Variants in LRRTM4 observed in about 807,000 individuals in gnomAD.
LRRTM4 encodes the protein leucine-rich repeat transmembrane neuronal protein 4.
Under a neutral mutation model 47.6 loss-of-function variants are expected in LRRTM4, and 25 were observed. That is an observed-to-expected ratio of 0.53 (90% CI 0.38 to 0.73). The LOEUF (loss-of-function observed/expected upper bound fraction) is 0.73. LRRTM4 is among the 30% of genes least tolerant of loss of function. The probability of loss-of-function intolerance (pLI) is 0.00; values close to 1 mark genes in which losing one functional copy is unlikely to be tolerated. For synonymous variants in LRRTM4, 311 were observed against 269.5 expected (o/e 1.15, Z -1.51); for missense variants, 638 against 713.4 (o/e 0.89, Z 1.20).
chr2:77,291,432 C>T (rs543664155), intron 3 of LRRTM4, among the ~76,000 whole-genome samples: 83 of 152,094 alleles, frequency 5.5e-4, no homozygotes, highest in African/African-American at 1.9e-3. Context: ...AATTCAAAAG[C>T]ACATTTCAAA....
At position 77,207,349 on chromosome 2, in the gene LRRTM4, GTATA is replaced by G. The variant is rs1553409290; in HGVS notation, c.1551+310965_1551+310968del. Reference sequence around the variant, plus strand: ...ATGTTTTTCCTAATTTCATATATGTGTATATATATATATATATATATATACACAC... The same window carrying G: ...ATGTTTTTCCTAATTTCATATATGTGTATATATATATATATATATACACAC... On this transcript the variant is annotated intron_variant, in intron 3 of 3. Coordinates refer to ENST00000409884, the MANE Select transcript of LRRTM4 (RefSeq NM_001134745.3). Among the ~76,000 whole-genome samples, 146 of 120,816 alleles carry G rather than the reference GTATA, an allele frequency of 1.2e-3. 1 individual carries two copies. The highest frequency in any genetic ancestry group is 1.3e-3 in the Non-Finnish European group (79 of 62,204). 79.3% of individuals were successfully genotyped at this position (120,816 alleles called of 152,430 possible).
At chr2:77,297,780 G>A (rs948556488) in intron 3 of LRRTM4, among the ~76,000 whole-genome samples, 1 of 152,088 alleles carries the variant, frequency 6.6e-6, no homozygotes. Flanking sequence ...AATGAGAGAA[G>A]TTTTCCACTT....
chr2:76,972,412 C>CTTTTTTTTTT (rs397869502), intron 3 of LRRTM4, among the ~76,000 whole-genome samples: 1 of 95,258 alleles, frequency 1.0e-5, no homozygotes, highest in African/African-American at 4.4e-5. Flanking sequence ...TCATTGAACA[C>CTTTTTTTTTT]TTTTTTTTTT....
chr2:76,921,901 T>C (rs1471120403), intron 3 of LRRTM4, among the ~76,000 whole-genome samples: 1 of 152,100 alleles, frequency 6.6e-6, no homozygotes, highest in Admixed American at 6.6e-5. Context: ...GGGTTCTGTG[T>C]GTATATCCAA....
At chr2:76,771,059 C>T (rs1410550025) in intron 3 of LRRTM4, among the ~76,000 whole-genome samples, 1 of 152,248 alleles carries the variant, frequency 6.6e-6, no homozygotes, top group South Asian at 2.1e-4. Context: ...TGATGTTATT[C>T]CTAGCTCCTT....
chr2:77,297,220 G>A (rs921486511), intron 3 of LRRTM4, among the ~76,000 whole-genome samples: 2 of 152,098 alleles, frequency 1.3e-5, no homozygotes, highest in Admixed American at 6.5e-5. Flanking sequence ...CAAGGGGGCC[G>A]TAGGAGGCCC....
chr2:77,477,356 G>T (rs1260259744), intron 3 of LRRTM4, among the ~76,000 whole-genome samples: 1 of 152,060 alleles, frequency 6.6e-6, no homozygotes. Flanking sequence ...CTGGCTAAAG[G>T]AAATTCTGAG....
At position 77,447,737 on chromosome 2, in the gene LRRTM4, C is replaced by T. The variant is rs116319374; in HGVS notation, c.1551+70581G>A. Among the ~76,000 whole-genome samples the T allele has an allele frequency of 9.1e-4, 139 of 152,122 alleles. 1 individual carries two copies. Among genetic ancestry groups the T allele is most frequent in the African/African-American group, 3.2e-3 (132 of 41,512 alleles). On this transcript the variant is annotated intron_variant, in intron 3 of 3. Transcript: ENST00000409884. ...GAGTATCAGACCCCTAACTCTGTTT[C>T]CCCCAAGCCCTGTGAATTGTATTGC...
intron 3 of LRRTM4, among the ~76,000 whole-genome samples, chr2:77,412,384 T>C (rs980880891): frequency 5.3e-5 from 8 of 152,222 alleles, no homozygotes; most frequent in Non-Finnish European, 8.8e-5. Flanking sequence ...ATCTCTAGCA[T>C]ACCACAATTG....
intron 3 of LRRTM4, among the ~76,000 whole-genome samples, chr2:76,772,617 A>G (rs1673760291): frequency 1.3e-5 from 2 of 152,178 alleles, no homozygotes; most frequent in South Asian, 4.1e-4. Context: ...TTAAAGGGGC[A>G]TTAACTTAGA....
chr2:76,846,501 G>C (rs1187269083), intron 3 of LRRTM4, among the ~76,000 whole-genome samples: 2 of 152,062 alleles, frequency 1.3e-5, no homozygotes, highest in Non-Finnish European at 2.9e-5. Context: ...ACATCTGTTA[G>C]AATCTTTCAA....
At chr2:76,997,703 C>T (rs879439744) in intron 3 of LRRTM4, among the ~76,000 whole-genome samples, 5 of 152,030 alleles carry the variant, frequency 3.3e-5, no homozygotes, top group East Asian at 1.9e-4. Flanking sequence ...TCCCCAACTC[C>T]CAGGTCACAG....
intron 3 of LRRTM4, among the ~76,000 whole-genome samples, chr2:76,807,782 G>C (rs1451194618): frequency 1.3e-5 from 2 of 151,560 alleles, no homozygotes; most frequent in Admixed American, 6.6e-5. Context: ...AGTAGAGACA[G>C]GATTTCACCA....
At chr2:76,972,898 T>G (rs1372535040) in intron 3 of LRRTM4, among the ~76,000 whole-genome samples, 1 of 151,636 alleles carries the variant, frequency 6.6e-6, no homozygotes, top group Non-Finnish European at 1.5e-5. Flanking sequence ...ATAAGTATAA[T>G]ACAAAAAAGG....
intron 3 of LRRTM4, among the ~76,000 whole-genome samples, chr2:77,230,199 C>CT (rs1213299083): frequency 6.6e-6 from 1 of 152,106 alleles, no homozygotes; most frequent in Non-Finnish European, 1.5e-5. Flanking sequence ...AACACCTATA[C>CT]TAAACAACCA....
intron 3 of LRRTM4, among the ~76,000 whole-genome samples, chr2:76,940,180 A>T (rs1675087605): frequency 6.6e-6 from 1 of 152,178 alleles, no homozygotes; most frequent in Non-Finnish European, 1.5e-5. Flanking sequence ...TCAAAAAGAC[A>T]CATACATATG....
At chr2:77,247,211 CTTAATAAGATATGAATGAT>C (rs1036760593) in intron 3 of LRRTM4, among the ~76,000 whole-genome samples, 4 of 151,912 alleles carry the variant, frequency 2.6e-5, no homozygotes, top group Non-Finnish European at 4.4e-5. Context: ...CACCAGTCAT[CTTAATAAGATATGAATGAT>C]TTAATAAGAT....
intron 3 of LRRTM4, among the ~76,000 whole-genome samples, chr2:77,359,504 T>C (rs942931486): frequency 2.6e-5 from 4 of 152,210 alleles, no homozygotes; most frequent in African/African-American, 9.6e-5. Flanking sequence ...CTGATCATTC[T>C]AAGCCCTTTT....
intron 3 of LRRTM4, among the ~76,000 whole-genome samples, chr2:76,821,061 G>A (rs1208338996): frequency 6.6e-6 from 1 of 151,598 alleles, no homozygotes; most frequent in Non-Finnish European, 1.5e-5. Context: ...GATCCTATAA[G>A]TACAAAACAT....
Sources: gnomAD v4.1 joint callset for allele counts (sites outside exome capture counted in the v4.1 genomes callset) on GRCh38, gnomAD v4.1.1 for gene constraint, MANE v1.5 for transcripts, NCBI Gene and HGNC (gene_info 2026-07-23, HGNC 2026-07-21) for gene names.